KCNH8: variants seen among roughly 807,000 people sequenced by gnomAD.
The protein encoded by KCNH8 is voltage-gated delayed rectifier potassium channel KCNH8.
In KCNH8, 70 loss-of-function variants were observed where a neutral mutation model predicts 103.6. The ratio of observed to expected loss-of-function variants is 0.68; its 90% CI spans 0.56 to 0.82. KCNH8 has a LOEUF of 0.82. Ranked by LOEUF, KCNH8 falls within the 40% of genes least tolerant of loss-of-function variation. The pLI, the probability that KCNH8 is intolerant of heterozygous loss-of-function variation, is 0.00. For missense variants in KCNH8, 1,217 were observed against 1,329.9 expected, an observed-to-expected ratio of 0.92 and a Z score of 1.32; for synonymous variants, 498 against 489.4, an observed-to-expected ratio of 1.02 and a Z score of -0.23.
At chr3:19,185,063 G>C (rs555154816) in intron 1 of KCNH8, among the ~76,000 whole-genome samples, 1 of 151,774 alleles carries the variant, frequency 6.6e-6, no homozygotes, top group South Asian at 2.1e-4. Flanking sequence ...TTGGCTGTTA[G>C]CATTATTCAT....
chr3:19,440,625 C>G (rs548592189), intron 8 of KCNH8, among the ~76,000 whole-genome samples: 2 of 152,244 alleles, frequency 1.3e-5, no homozygotes, highest in South Asian at 4.2e-4. Flanking sequence ...GGGTCCCTCC[C>G]CACAACACGT....
intron 3 of KCNH8, among the ~76,000 whole-genome samples, chr3:19,284,556 G>GT (rs1559458637): frequency 3.6e-4 from 48 of 134,562 alleles, no homozygotes; most frequent in Admixed American, 1.7e-3. Flanking sequence ...TGTGTGTGAG[G>GT]GAGAGAGAGA....
intron 11 of KCNH8, among the ~76,000 whole-genome samples, chr3:19,495,487 T>C (rs1010214198): frequency 2.0e-4 from 31 of 152,176 alleles, no homozygotes; most frequent in Non-Finnish European, 4.4e-4. Context: ...CTGGTTTTTG[T>C]TGGCTTTGTT....
At chr3:19,524,412 A>G (rs1222875851) in intron 15 of KCNH8, among the ~76,000 whole-genome samples, 1 of 152,072 alleles carries the variant, frequency 6.6e-6, no homozygotes, top group Middle Eastern at 3.4e-3. Context: ...ATTGATGTTA[A>G]TACTACGTTT....
chr3:19,374,094 G>A (rs1408972265), intron 5 of KCNH8, among the ~76,000 whole-genome samples: 4 of 151,758 alleles, frequency 2.6e-5, no homozygotes, highest in African/African-American at 7.3e-5. Context: ...TGTTGATTTG[G>A]GGTGGAGAGT....
chr3:19,511,630 G>A (rs1448880001), intron 12 of KCNH8, among the ~76,000 whole-genome samples: 1 of 151,880 alleles, frequency 6.6e-6, no homozygotes, highest in African/African-American at 2.4e-5. Flanking sequence ...TAAAAACACA[G>A]AGTTTTAAAC....
intron 1 of KCNH8, among the ~76,000 whole-genome samples, chr3:19,178,913 A>G (rs1290247463): frequency 1.3e-5 from 2 of 152,106 alleles, no homozygotes; most frequent in Non-Finnish European, 2.9e-5. Flanking sequence ...TGTGTGTTAG[A>G]TGGATTAGGT....
At chr3:19,409,099 AAACTT>A (rs1374403539) in intron 7 of KCNH8, among the ~76,000 whole-genome samples, 2 of 152,142 alleles carry the variant, frequency 1.3e-5, no homozygotes, top group African/African-American at 4.8e-5. Context: ...CTATAGAAAA[AAACTT>A]AAAGGCAGCT....
At chr3:19,323,978 TG>T (rs2065386102) in intron 3 of KCNH8, among the ~76,000 whole-genome samples, 1 of 152,338 alleles carries the variant, frequency 6.6e-6, no homozygotes, top group African/African-American at 2.4e-5. Context: ...TTATATTGGT[TG>T]GCCTTCAGCC....
intron 8 of KCNH8, among the ~76,000 whole-genome samples, chr3:19,440,060 A>G (rs902872405): frequency 3.3e-5 from 5 of 152,150 alleles, no homozygotes; most frequent in African/African-American, 1.2e-4. Flanking sequence ...TAAAAAGAGT[A>G]GAGAAATCCC....
chr3:19,506,139 T>A (rs183946312), intron 11 of KCNH8, among the ~76,000 whole-genome samples: 1 of 152,336 alleles, frequency 6.6e-6, no homozygotes, highest in African/African-American at 2.4e-5. Context: ...ATCCATATTC[T>A]GAATTCTATT....
intron 11 of KCNH8, among the ~76,000 whole-genome samples, chr3:19,484,217 C>G (rs1469310865): frequency 1.3e-5 from 2 of 152,166 alleles, no homozygotes; most frequent in African/African-American, 4.8e-5. Context: ...GGGGTCATAA[C>G]ACACATCTGG....
chr3:19,480,095 T>G (rs1257160481), intron 11 of KCNH8, among the ~76,000 whole-genome samples: 1 of 152,210 alleles, frequency 6.6e-6, no homozygotes, highest in Non-Finnish European at 1.5e-5. Context: ...AACACGGGCT[T>G]GTAAATTCTG....
intron 1 of KCNH8, among the ~76,000 whole-genome samples, chr3:19,155,779 C>T (rs1452401648): frequency 1.3e-5 from 2 of 152,212 alleles, no homozygotes; most frequent in African/African-American, 4.8e-5. Flanking sequence ...AGTTACATGA[C>T]ATTTCCCCTA....
chr3:19,207,465 GA>G (rs1435449083), intron 1 of KCNH8, among the ~76,000 whole-genome samples: 1 of 151,806 alleles, frequency 6.6e-6, no homozygotes, highest in Non-Finnish European at 1.5e-5. Context: ...TCTCTTTTAA[GA>G]AAATAAAGTG....
chr3:19,312,051 T>A (rs2065215169), intron 3 of KCNH8, among the ~76,000 whole-genome samples: 1 of 151,924 alleles, frequency 6.6e-6, no homozygotes, highest in Non-Finnish European at 1.5e-5. Flanking sequence ...TGCACTTATA[T>A]ATTATGTAAT....
intron 5 of KCNH8, among the ~76,000 whole-genome samples, chr3:19,370,714 T>C (rs1479324353): frequency 6.6e-6 from 1 of 152,000 alleles, no homozygotes; most frequent in African/African-American, 2.4e-5. Flanking sequence ...ACCCACTAAC[T>C]CATCATCTAG....
chr3:19,477,970 C>T (rs1408569259), intron 11 of KCNH8, among the ~76,000 whole-genome samples: 1 of 152,060 alleles, frequency 6.6e-6, no homozygotes, highest in Non-Finnish European at 1.5e-5. Flanking sequence ...TCTGTATGTC[C>T]ATGTATACCC....
chr3:19,492,313 A>G (rs905570558), intron 11 of KCNH8, among the ~76,000 whole-genome samples: 5 of 152,206 alleles, frequency 3.3e-5, no homozygotes, highest in African/African-American at 1.2e-4. Flanking sequence ...TTTAGGTCTT[A>G]TACTTCTATC....
Sources: allele counts gnomAD v4.1 joint callset (sites outside exome capture counted in the v4.1 genomes callset), GRCh38; gene constraint gnomAD v4.1.1; transcripts MANE v1.5; gene names NCBI Gene and HGNC (gene_info 2026-07-23, HGNC 2026-07-21).